ELP4: variants seen among roughly 807,000 people sequenced by gnomAD.
ELP4 encodes the protein elongator acetyltransferase complex subunit 4.
A neutral mutation model predicts 48.9 loss-of-function variants in ELP4; 51 were observed. The observed-to-expected ratio is 1.04, with a 90% CI of 0.83 to 1.32. The LOEUF (loss-of-function observed/expected upper bound fraction) is 1.32. Ranked by LOEUF, ELP4 falls within the 40% of genes most tolerant of loss-of-function variation. ELP4 has a pLI of 0.00. For synonymous variants in ELP4, 210 were observed against 189.2 expected, an observed-to-expected ratio of 1.11 and a Z score of -0.90; for missense variants, 519 against 514.6, an observed-to-expected ratio of 1.01 and a Z score of -0.08.
At chr11:31,604,656 G>A (rs996655605) in intron 5 of ELP4, among the ~76,000 whole-genome samples, 2 of 151,848 alleles carry the variant, frequency 1.3e-5, no homozygotes, top group African/African-American at 2.4e-5. Flanking sequence ...AATGAGATGA[G>A]CTATTAAATG....
At chr11:31,579,283 G>A (rs192104080) in intron 3 of ELP4, among the ~76,000 whole-genome samples, 1 of 152,098 alleles carries the variant, frequency 6.6e-6, no homozygotes. Context: ...AGTCAGGAAA[G>A]AACAGGTGCT....
intron 9 of ELP4, among the ~76,000 whole-genome samples, chr11:31,697,242 G>A (rs2134150218): frequency 6.6e-6 from 1 of 152,232 alleles, no homozygotes; most frequent in South Asian, 2.1e-4. Context: ...GACTTCCTGT[G>A]TGACTTTAGA....
At chr11:31,534,266 GGTGTGTGT>G (rs61054150) in intron 2 of ELP4, among the ~76,000 whole-genome samples, 1 of 148,126 alleles carries the variant, frequency 6.8e-6, no homozygotes. Context: ...GAGGTGGATT[GGTGTGTGT>G]GTGTGTGTGT....
chr11:31,679,522 A>G (rs1223300969), intron 9 of ELP4, among the ~76,000 whole-genome samples: 1 of 152,078 alleles, frequency 6.6e-6, no homozygotes, highest in Non-Finnish European at 1.5e-5. Context: ...CTGTGCTTGC[A>G]CATGTCTGAG....
intron 7 of ELP4, among the ~76,000 whole-genome samples, chr11:31,637,873 A>G (rs1392475975): frequency 5.3e-5 from 8 of 151,944 alleles, no homozygotes; most frequent in Non-Finnish European, 1.0e-4. Context: ...TTTTGGAAAT[A>G]GAAACTTAGT....
rs569290797 is a variant in ELP4 at position 31,521,367 on chromosome 11, AT to A, written c.259+1277del. Among the ~76,000 whole-genome samples the A allele has an allele frequency of 2.6e-4, 39 of 152,156 alleles. No homozygotes were observed. In the South Asian group the frequency reaches 7.5e-3, roughly 29 times the overall value. On this transcript the variant is annotated intron_variant, in intron 2 of 9. Transcript: ENST00000640961. ...TTATCTCCCTTTTATACATGAGGAA[AT>A]GAGGCTCACAAGGATGGGGTAGTTT...
chr11:31,616,436 A>G (rs1196849580), intron 5 of ELP4, among the ~76,000 whole-genome samples: 3 of 152,138 alleles, frequency 2.0e-5, no homozygotes, highest in Non-Finnish European at 4.4e-5. Context: ...AAAATGGATT[A>G]AAGACCTAAA....
chr11:31,640,209 G>A (rs934094222), intron 7 of ELP4, among the ~76,000 whole-genome samples: 2 of 151,766 alleles, frequency 1.3e-5, no homozygotes, highest in Admixed American at 1.3e-4. Context: ...ATCACTTTTT[G>A]TGTATAGAAA....
At chr11:31,636,204 G>C (rs1944973253) in intron 7 of ELP4, among the ~76,000 whole-genome samples, 2 of 151,952 alleles carry the variant, frequency 1.3e-5, no homozygotes, top group African/African-American at 4.8e-5. Context: ...GTAAAAGATA[G>C]GATGGAACAG....
chr11:31,534,781 G>A (rs1307995783), intron 2 of ELP4, among the ~76,000 whole-genome samples: 1 of 152,022 alleles, frequency 6.6e-6, no homozygotes, highest in Admixed American at 6.6e-5. Flanking sequence ...TTCTTATATC[G>A]ATTTATAATG....
intron 9 of ELP4, among the ~76,000 whole-genome samples, chr11:31,737,211 T>C (rs1213808892): frequency 3.9e-5 from 6 of 152,024 alleles, no homozygotes; most frequent in South Asian, 2.1e-4. Context: ...AGCAAACTAT[T>C]GCAAGGACAA....
chr11:31,589,200 T>C (rs888234117), intron 3 of ELP4, among the ~76,000 whole-genome samples: 2 of 152,182 alleles, frequency 1.3e-5, no homozygotes, highest in Non-Finnish European at 2.9e-5. Context: ...TTCATTTCAC[T>C]AAGCATCTCT....
In ELP4 at chr11:31,509,811, T is replaced by C; in HGVS notation, c.27T>C (p.Ser9=). Residue 9 remains serine (S), a synonymous_variant, in exon 1 of 10, where the codon AGT becomes AGC. Coordinates refer to ENST00000640961, the MANE Select transcript of ELP4 (RefSeq NM_019040.5). MAAVATCG[S]VAASTGSAVA... is the part of the protein sequence containing the mutation. ...TGGCGGCAGTGGCAACCTGCGGTAGTGTTGCCGCGAGTACTGGGTCTGCAG... is the reference window on the plus strand; with the variant it reads ...TGGCGGCAGTGGCAACCTGCGGTAGCGTTGCCGCGAGTACTGGGTCTGCAG... 2 of 1,614,142 alleles carry C rather than the reference T, an allele frequency of 1.2e-6. No individual in the cohort carries two copies. Among genetic ancestry groups the C allele is most frequent in the Non-Finnish European group, 1.7e-6 (2 of 1,180,028 alleles).
At chr11:31,692,625 T>C (rs918619227) in intron 9 of ELP4, among the ~76,000 whole-genome samples, 4 of 152,158 alleles carry the variant, frequency 2.6e-5, no homozygotes, top group Non-Finnish European at 4.4e-5. Flanking sequence ...CCCAGTTCTG[T>C]ACCTTGGCTT....
At chr11:31,627,761 AT>A (rs1045429447) in intron 6 of ELP4, among the ~76,000 whole-genome samples, 1 of 152,094 alleles carries the variant, frequency 6.6e-6, no homozygotes, top group African/African-American at 2.4e-5. Flanking sequence ...AGTGAGGAAG[AT>A]TTTATTTCTA....
At chr11:31,736,090 A>G (rs540221515) in intron 9 of ELP4, among the ~76,000 whole-genome samples, 103 of 152,352 alleles carry the variant, frequency 6.8e-4, no homozygotes, top group African/African-American at 2.3e-3. Context: ...ACAAGGCTAC[A>G]GTAACCAAAA....
intron 9 of ELP4, chr11:31,681,738 T>C (rs1946054923): frequency 6.3e-6 from 1 of 159,862 alleles, no homozygotes; most frequent in South Asian, 1.2e-4. Flanking sequence ...TTATATTTCT[T>C]TCCTTTTTTT....
At chr11:31,631,461 A>G (rs1944859357) in intron 6 of ELP4, among the ~76,000 whole-genome samples, 1 of 152,180 alleles carries the variant, frequency 6.6e-6, no homozygotes, top group Non-Finnish European at 1.5e-5. Context: ...TAAGGAAAGT[A>G]TTTACAAAAC....
intron 5 of ELP4, among the ~76,000 whole-genome samples, chr11:31,610,305 A>G (rs894065584): frequency 3.6e-4 from 54 of 150,300 alleles, no homozygotes; most frequent in African/African-American, 1.2e-3. Context: ...AAAGAGGACT[A>G]TTATTCTGGG....
Sources: allele counts gnomAD v4.1 joint callset (sites outside exome capture counted in the v4.1 genomes callset), GRCh38; gene constraint gnomAD v4.1.1; transcripts MANE v1.5; gene names NCBI Gene and HGNC (gene_info 2026-07-23, HGNC 2026-07-21).